Variants in QTRT2 observed in about 807,000 individuals in gnomAD.
QTRT2 encodes the protein queuine tRNA-ribosyltransferase accessory subunit 2.
Under a neutral mutation model 44.8 loss-of-function variants are expected in QTRT2, and 32 were observed. The observed-to-expected ratio is 0.71, with a 90% CI of 0.54 to 0.96. The LOEUF (loss-of-function observed/expected upper bound fraction) is 0.96, where lower values mean the gene tolerates loss of function less well. QTRT2 is among the 40% of genes least tolerant of loss of function. QTRT2 has a pLI of 0.00. For missense variants in QTRT2, 461 were observed against 503.1 expected (o/e 0.92, Z 0.80); for synonymous variants, 182 against 187.4 (o/e 0.97, Z 0.24).
In QTRT2 at chr3:114,068,006, G is replaced by A; in HGVS notation, c.276G>A (p.Leu92=). The A allele has an allele frequency of 6.2e-7, 1 of 1,613,726 alleles. No homozygotes were observed. Among genetic ancestry groups the A allele is most frequent in the Non-Finnish European group, 8.5e-7 (1 of 1,179,770 alleles). Residue 92 remains leucine, a synonymous_variant, in exon 5 of 10, where the codon TTG becomes TTA. Transcript: ENST00000281273. The part of the protein sequence containing the change: ...GKFIGMPESL[L]YCSLHDPVSP... ...ATACAGGCATGCCAGAATCACTCTT[G>A]TACTGCTCCCTGCACGATCCAGTCA...
chr3:114,078,226 G>C (rs185070888), intron 7 of QTRT2: 1 of 152,336 alleles, frequency 6.6e-6, no homozygotes, highest in Admixed American at 6.5e-5. Context: ...TTCAGCACCA[G>C]TATTTCTAGA....
At position 114,063,517 on chromosome 3, in the gene QTRT2, T is replaced by G. The variant is rs992066787; in HGVS notation, c.-21-1720T>G. Among the ~76,000 whole-genome samples, 9 of 152,172 alleles carry G rather than the reference T, an allele frequency of 5.9e-5. 1 individual carries two copies. In the Middle Eastern group the frequency reaches 0.027, roughly 460 times the overall value. On this transcript the variant is annotated intron_variant, in intron 2 of 9. Coordinates refer to ENST00000281273, the MANE Select transcript of QTRT2 (RefSeq NM_024638.4). Reference sequence around the variant, plus strand: ...TTATACTATTTATTAAAATATAACCTTTTTTTCCTTACCAGTCTCCATTTA... The same window carrying G: ...TTATACTATTTATTAAAATATAACCGTTTTTTCCTTACCAGTCTCCATTTA...
chr3:114,065,197 T>C, intron 2 of QTRT2, 40 bp from the exon 3 acceptor site: 2 of 1,461,354 alleles, frequency 1.4e-6, no homozygotes, highest in Non-Finnish European at 1.9e-6. Flanking sequence ...CTCTAGGTGT[T>C]GTGAAGCTCC....
At chr3:114,057,182 C>A in intron 2 of QTRT2, 76 bp downstream of exon 2, 1 of 703,694 alleles carries the variant, frequency 1.4e-6, no homozygotes, top group Non-Finnish European at 1.9e-6. Flanking sequence ...GAGCCAGGTG[C>A]CTAGGGAGGT....
intron 8 of QTRT2, among the ~76,000 whole-genome samples, chr3:114,082,305 A>T (rs2077178206): frequency 6.6e-6 from 1 of 151,136 alleles, no homozygotes. Flanking sequence ...CTGGTGGTGT[A>T]CTCCTGACCT....
chr3:114,082,816 G>T, intron 9 of QTRT2, 22 bp downstream of exon 9: 1 of 1,127,412 alleles, frequency 8.9e-7, no homozygotes, highest in Non-Finnish European at 1.3e-6. Flanking sequence ...TTAAAAGTTT[G>T]GATTTTGCTT....
At chr3:114,062,062 C>G (rs2076894364) in intron 2 of QTRT2, among the ~76,000 whole-genome samples, 1 of 148,878 alleles carries the variant, frequency 6.7e-6, no homozygotes, top group Non-Finnish European at 1.5e-5. Context: ...GTTAAATTTA[C>G]TCTCACATAA....
In QTRT2 at chr3:114,065,404, G is replaced by A. The variant is rs755776974; in HGVS notation, c.147G>A (p.Thr49=). The stretch of plus-strand genomic sequence containing the variant: ...CCGCCCCACACCTCACCCATCACAC[G>A]CTGCATAATATCCACGGGGTTCCTG... The part of the protein sequence containing the change: ...TGSAPHLTHH[T]LHNIHGVPAM... The change falls in exon 3 of 10, where the codon ACG becomes ACA. Residue 49 remains threonine (T), a synonymous_variant. Coordinates refer to ENST00000281273, the MANE Select transcript of QTRT2 (RefSeq NM_024638.4). 1.3e-5 allele frequency: 21 copies of A among 1,613,962 alleles called. No homozygotes were observed. The highest frequency in any genetic ancestry group is 1.1e-4 in the South Asian group (10 of 91,088).
At chr3:114,083,006 A>G in intron 9 of QTRT2, 1 of 526,546 alleles carries the variant, frequency 1.9e-6, no homozygotes, top group East Asian at 3.9e-5. Context: ...GGAGCCAGGT[A>G]ATGATTGCTT....
At chr3:114,080,087 T>TGGA (rs774591630) in intron 8 of QTRT2, 30 bp downstream of exon 8, 14 of 1,536,236 alleles carry the variant, frequency 9.1e-6, no homozygotes, top group Non-Finnish European at 8.7e-7. Context: ...TCTCTTATCC[T>TGGA]TAAGTTTCTT....
In QTRT2 at chr3:114,087,822, C is replaced by T. The variant is rs1397420844; in HGVS notation, c.*1918C>T. 6.6e-6 allele frequency: 1 copy of T among 152,296 alleles called. No individual in the cohort carries two copies. Among genetic ancestry groups the T allele is most frequent in the Non-Finnish European group, 1.5e-5 (1 of 68,158 alleles). 9.4% of individuals were successfully genotyped at this position (152,296 alleles called of 1,614,324 possible). ...CTCAGAGCAAGAAGTCACTTATCAC[C>T]AAGGGGATGGCCCAGGCCATTCATG... On this transcript the variant is annotated 3_prime_UTR_variant, in exon 10 of 10. Coordinates refer to ENST00000281273, the MANE Select transcript of QTRT2 (RefSeq NM_024638.4).
chr3:114,083,050 A>G (rs887468532), intron 9 of QTRT2: 2 of 438,450 alleles, frequency 4.6e-6, no homozygotes, highest in Non-Finnish European at 4.3e-6. Context: ...AACCAAATCC[A>G]TTGTTTGGCG....
chr3:114,063,543 T>C (rs9682132), intron 2 of QTRT2, among the ~76,000 whole-genome samples: 1 of 152,064 alleles, frequency 6.6e-6, no homozygotes, highest in Non-Finnish European at 1.5e-5. Context: ...TCTCCATTTA[T>C]GTGGGTTCTA....
chr3:114,079,949 A>G lies in QTRT2; in HGVS notation c.790A>G (p.Ile264Val), dbSNP rs189629108. ...VSRPDEVLEC[I>V]ERGVDLFESF... ...TCGGCCAGATGAGGTGCTCGAGTGT[A>G]TTGAAAGAGGAGTGGACTTATTTGA... The change falls in exon 8 of 10, where the codon ATT (isoleucine) becomes GTT (valine). Residue 264 changes from isoleucine to valine, a missense_variant. Ile to Val is a conservative substitution (Grantham distance 29). Coordinates refer to ENST00000281273, the MANE Select transcript of QTRT2 (RefSeq NM_024638.4). 2 of 1,613,908 alleles carry G rather than the reference A, an allele frequency of 1.2e-6. No homozygotes were observed.
intron 5 of QTRT2, among the ~76,000 whole-genome samples, chr3:114,069,477 T>C (rs2076997064): frequency 1.3e-5 from 2 of 152,200 alleles, no homozygotes; most frequent in Admixed American, 6.5e-5. Flanking sequence ...CCCCCACTTA[T>C]AAGTGAGAAC....
intron 9 of QTRT2, among the ~76,000 whole-genome samples, chr3:114,084,078 T>TTTTTTTTTG (rs1559964092): frequency 1.4e-5 from 2 of 145,800 alleles, no homozygotes; most frequent in Admixed American, 6.8e-5. Context: ...TTTTTTTTTG[T>TTTTTTTTTG]GGGGGGCAGA....
intron 9 of QTRT2, among the ~76,000 whole-genome samples, chr3:114,083,627 C>A (rs1341102977): frequency 1.3e-5 from 2 of 151,982 alleles, no homozygotes; most frequent in African/African-American, 2.4e-5. Context: ...TTTTGTCTTA[C>A]GTAAAAGAAG....
chr3:114,079,538 C>CAA (rs202013962), intron 7 of QTRT2: 23 of 158,316 alleles, frequency 1.5e-4, no homozygotes, highest in South Asian at 6.9e-4. Flanking sequence ...GACTCCCTCT[C>CAA]AAAAAAAAAA....
At chr3:114,074,871 A>G (rs978663976) in intron 6 of QTRT2, among the ~76,000 whole-genome samples, 15 of 152,240 alleles carry the variant, frequency 9.9e-5, no homozygotes, top group African/African-American at 3.6e-4. Flanking sequence ...AAATGCATAT[A>G]TTGCTATTAT....
Sources: gnomAD v4.1 joint callset for allele counts (sites outside exome capture counted in the v4.1 genomes callset) on GRCh38, gnomAD v4.1.1 for gene constraint, MANE v1.5 for transcripts, NCBI Gene and HGNC (gene_info 2026-07-23, HGNC 2026-07-21) for gene names.